The following COX10 variants were observed in gnomAD, a reference collection of about 807,000 sequenced individuals.
COX10 encodes cytochrome c oxidase assembly factor heme A:farnesyltransferase COX10, also known as protoheme IX farnesyltransferase, mitochondrial.
Under a neutral mutation model 37.3 loss-of-function variants are expected in COX10, and 27 were observed. The ratio of observed to expected loss-of-function variants is 0.72; its 90% confidence interval spans 0.53 to 1.00. The LOEUF (loss-of-function observed/expected upper bound fraction) is 1.00, where lower values mean the gene tolerates loss of function less well. Ranked by LOEUF, COX10 falls within the 50% of genes least tolerant of loss-of-function variation. COX10 has a pLI of 0.00. For missense variants in COX10, 475 were observed against 563.2 expected (o/e 0.84, Z 1.59); for synonymous variants, 222 against 229.1 (o/e 0.97, Z 0.28).
At chr17:14,097,169 A>G (rs1368919223) in intron 3 of COX10, among the ~76,000 whole-genome samples, 2 of 152,186 alleles carry the variant, frequency 1.3e-5, no homozygotes, top group Non-Finnish European at 2.9e-5. Flanking sequence ...CCAGGAAATC[A>G]ATGGAAAGTT....
intron 3 of COX10, among the ~76,000 whole-genome samples, chr17:14,088,736 C>G (rs555762726): frequency 3.4e-4 from 52 of 152,270 alleles, no homozygotes; most frequent in African/African-American, 1.2e-3. Flanking sequence ...TTTCATGTGT[C>G]AAGGATTCTG....
chr17:14,154,430 G>A (rs1904988788), intron 4 of COX10, among the ~76,000 whole-genome samples: 2 of 152,266 alleles, frequency 1.3e-5, no homozygotes. Flanking sequence ...TTTAAATTAT[G>A]TAATTCTTGA....
chr17:14,151,526 AACACACACAC>A (rs58412592), intron 4 of COX10, among the ~76,000 whole-genome samples: 62,244 of 144,348 alleles, frequency 0.43, 13,619 homozygotes, highest in East Asian at 0.56. Flanking sequence ...TTCCTGAACT[AACACACACAC>A]ACACACACAC....
At chr17:14,118,877 G>GC (rs1916169851) in intron 4 of COX10, among the ~76,000 whole-genome samples, 1 of 149,230 alleles carries the variant, frequency 6.7e-6, no homozygotes, top group South Asian at 2.1e-4. Flanking sequence ...TAGTCAGGGA[G>GC]CTTTTTTTTT....
chr17:14,100,995 T>A (rs73979160), intron 3 of COX10, among the ~76,000 whole-genome samples: 4,139 of 152,176 alleles, frequency 0.027, 80 homozygotes, highest in African/African-American at 0.052. Context: ...TCCCCTGCAA[T>A]CAAAAGTGTT....
chr17:14,113,014 T>C (rs954033551), intron 4 of COX10, among the ~76,000 whole-genome samples: 1 of 152,120 alleles, frequency 6.6e-6, no homozygotes, highest in Non-Finnish European at 1.5e-5. Context: ...CTGTTAATCT[T>C]AGGCTAGAGA....
intron 6 of COX10, among the ~76,000 whole-genome samples, chr17:14,193,662 C>T (rs1906279228): frequency 1.4e-5 from 2 of 146,106 alleles, no homozygotes; most frequent in Admixed American, 7.0e-5. Flanking sequence ...ATGACATCTG[C>T]GTGTTCATCC....
intron 4 of COX10, among the ~76,000 whole-genome samples, chr17:14,121,841 G>A (rs886788775): frequency 2.0e-5 from 3 of 152,118 alleles, no homozygotes; most frequent in Non-Finnish European, 4.4e-5. Context: ...GGAGTACACA[G>A]GGTGTGCATG....
chr17:14,069,529 G>T lies in COX10; in HGVS notation c.-77G>T. On this transcript the variant is annotated 5_prime_UTR_variant, in exon 1 of 7. It adds an upstream start codon to the 5' untranslated region. Coordinates refer to ENST00000261643, the MANE Select transcript of COX10 (RefSeq NM_001303.4). ...ACTACTCCCACAGGGGGGCGGGGAA[G>T]GAAGATGGCGGCGCCCAGCGTCCCG... 6.4e-7 allele frequency: 1 copy of T among 1,570,252 alleles called. No homozygotes were observed. Among genetic ancestry groups the T allele is most frequent in the Non-Finnish European group, 8.7e-7 (1 of 1,144,738 alleles).
chr17:14,075,683 C>G (rs1180487407), intron 2 of COX10, among the ~76,000 whole-genome samples: 2 of 152,144 alleles, frequency 1.3e-5, no homozygotes, highest in Non-Finnish European at 2.9e-5. Flanking sequence ...TGTCTTCATC[C>G]TGCCCTGCTA....
At chr17:14,164,360 G>C (rs1402264115) in intron 5 of COX10, among the ~76,000 whole-genome samples, 1 of 152,182 alleles carries the variant, frequency 6.6e-6, no homozygotes, top group Non-Finnish European at 1.5e-5. Context: ...CCATGTGACT[G>C]TCATTAGTAT....
chr17:14,177,365 T>C (rs941560186), intron 5 of COX10: 339 of 519,740 alleles, frequency 6.5e-4, no homozygotes, highest in Non-Finnish European at 8.7e-4. Flanking sequence ...ACTTATAGTT[T>C]AAAAAAAATG....
chr17:14,188,343 A>C (rs1211013887), intron 5 of COX10, among the ~76,000 whole-genome samples: 1 of 151,742 alleles, frequency 6.6e-6, no homozygotes, highest in African/African-American at 2.4e-5. Context: ...AACAACACAG[A>C]GGTATCTTTG....
At chr17:14,157,535 C>T (rs1304940420) in intron 4 of COX10, among the ~76,000 whole-genome samples, 2 of 152,156 alleles carry the variant, frequency 1.3e-5, no homozygotes, top group Non-Finnish European at 1.5e-5. Flanking sequence ...CCTGCCTGTT[C>T]ATCTCTATGG....
At chr17:14,116,584 A>G (rs368912827) in intron 4 of COX10, among the ~76,000 whole-genome samples, 2 of 152,204 alleles carry the variant, frequency 1.3e-5, no homozygotes, top group South Asian at 2.1e-4. Flanking sequence ...GGAGTCATCA[A>G]TGACTCCTGG....
At chr17:14,121,167 T>C (rs1274949777) in intron 4 of COX10, among the ~76,000 whole-genome samples, 1 of 152,216 alleles carries the variant, frequency 6.6e-6, no homozygotes, top group African/African-American at 2.4e-5. Flanking sequence ...TTTTATATCT[T>C]GTCTGCCTCA....
At chr17:14,127,033 T>G (rs1374192159) in intron 4 of COX10, among the ~76,000 whole-genome samples, 1 of 152,162 alleles carries the variant, frequency 6.6e-6, no homozygotes, top group East Asian at 1.9e-4. Flanking sequence ...ATGACTGTCC[T>G]AAATCTTCAT....
intron 4 of COX10, among the ~76,000 whole-genome samples, chr17:14,150,904 T>C (rs1469775891): frequency 1.3e-5 from 2 of 152,194 alleles, no homozygotes; most frequent in African/African-American, 2.4e-5. Context: ...AGTGAGGGTA[T>C]ATGAAAAAGG....
At chr17:14,124,934 A>G (rs552332574) in intron 4 of COX10, among the ~76,000 whole-genome samples, 1 of 152,288 alleles carries the variant, frequency 6.6e-6, no homozygotes, top group African/African-American at 2.4e-5. Context: ...TTTGTGTAAA[A>G]TGTATTTCAA....
Sources: gnomAD v4.1 joint callset for allele counts (sites outside exome capture counted in the v4.1 genomes callset) on GRCh38, gnomAD v4.1.1 for gene constraint, MANE v1.5 for transcripts, NCBI Gene and HGNC (gene_info 2026-07-23, HGNC 2026-07-21) for gene names.